The following FBXO33 variants were observed in gnomAD, a reference collection of about 807,000 sequenced individuals.
FBXO33 encodes F-box protein 33.
Under a neutral mutation model 46.3 loss-of-function variants are expected in FBXO33, and 22 were observed. The observed-to-expected ratio is 0.48, with a 90% CI of 0.34 to 0.68. The LOEUF is 0.68. Among genes scored for constraint, FBXO33 ranks in the 30% least tolerant of loss-of-function variants. FBXO33 has a pLI of 0.01. For missense variants in FBXO33, 692 were observed against 708.8 expected, an observed-to-expected ratio of 0.98 and a Z score of 0.27; for synonymous variants, 337 against 291.3, an observed-to-expected ratio of 1.16 and a Z score of -1.60.
chr14:39,405,703 A>G (rs1043758793), intron 1 of FBXO33, among the ~76,000 whole-genome samples: 5 of 151,990 alleles, frequency 3.3e-5, no homozygotes, highest in Non-Finnish European at 4.4e-5. Flanking sequence ...TTGTGAGAAA[A>G]ATGTGTAACA....
intron 1 of FBXO33, among the ~76,000 whole-genome samples, chr14:39,403,905 G>T (rs1328224481): frequency 6.6e-6 from 1 of 151,298 alleles, no homozygotes; most frequent in Non-Finnish European, 1.5e-5. Flanking sequence ...GGGCTTAAGT[G>T]ATCCTTCCAG....
chr14:39,400,686 C>T (rs1286999445), intron 3 of FBXO33, among the ~76,000 whole-genome samples: 3 of 152,146 alleles, frequency 2.0e-5, no homozygotes, highest in Non-Finnish European at 2.9e-5. Flanking sequence ...AGAATACCAA[C>T]TCTAGATCCA....
In FBXO33 at chr14:39,413,415, C is replaced by T. The variant is rs188641688; in HGVS notation, c.600-10904G>A. Reference sequence around the variant, plus strand: ...CTACAGTGACTTCCTACACTGAAGTCTTGAACTCCTCAAATGATCCATGAG... The same window carrying T: ...CTACAGTGACTTCCTACACTGAAGTTTTGAACTCCTCAAATGATCCATGAG... On this transcript the variant is annotated intron_variant, in intron 1 of 3. Transcript: ENST00000298097. Among the ~76,000 whole-genome samples, 28 of 152,304 alleles carry T rather than the reference C, an allele frequency of 1.8e-4. 1 individual carries two copies. Among genetic ancestry groups the T allele is most frequent in the Admixed American group, 1.8e-3 (27 of 15,294 alleles).
In FBXO33 at chr14:39,401,773, T is replaced by C. The variant is rs542813352; in HGVS notation, c.799A>G (p.Thr267Ala). 7.1e-5 allele frequency: 115 copies of C among 1,614,198 alleles called. 1 individual carries two copies. In the South Asian group the frequency reaches 1.0e-3, roughly 14 times the overall value. The change falls in exon 3 of 4, where the codon ACA (threonine) becomes GCA (alanine). Residue 267 changes from threonine to alanine, a missense_variant. Thr to Ala is a moderately conservative substitution (Grantham distance 58). Around this residue, in one of 3 missense-constraint regions of FBXO33, gnomAD observed 412 missense variants for 370.8 expected, o/e 1.11. Coordinates refer to ENST00000298097, the MANE Select transcript of FBXO33 (RefSeq NM_203301.4). ...GCATTAGAGAGAGATGACAGTGATG[T>C]TGGGGTTACTATTTCCAGCATAAAC... ...CGFMLEIVTPTSLSSLSNAVA... is the reference protein window; with the variant it reads ...CGFMLEIVTPASLSSLSNAVA...
chr14:39,403,726 C>T (rs1243494344), intron 1 of FBXO33, among the ~76,000 whole-genome samples: 2 of 151,722 alleles, frequency 1.3e-5, no homozygotes, highest in Non-Finnish European at 2.9e-5. Flanking sequence ...TAACATAAAA[C>T]TTAGGGATAA....
chr14:39,403,639 T>C (rs1440449757), intron 1 of FBXO33, among the ~76,000 whole-genome samples: 2 of 152,072 alleles, frequency 1.3e-5, no homozygotes, highest in Non-Finnish European at 2.9e-5. Flanking sequence ...GATAGTAAAA[T>C]TGTAAATAAA....
intron 2 of FBXO33, 128 bp from the exon 3 acceptor site, chr14:39,401,989 C>T (rs925748863): frequency 1.0e-5 from 7 of 689,440 alleles, no homozygotes; most frequent in Non-Finnish European, 1.4e-5. Flanking sequence ...TAGGTAATTT[C>T]GATTCAACCC....
intron 1 of FBXO33, among the ~76,000 whole-genome samples, chr14:39,414,865 C>A (rs1281624480): frequency 6.6e-6 from 1 of 151,968 alleles, no homozygotes; most frequent in Non-Finnish European, 1.5e-5. Context: ...GTCTATGTTC[C>A]CCAGGCTGGT....
Position 39,406,548 on chromosome 14 carries a change from T to C in FBXO33, c.600-4037A>G, listed in dbSNP as rs1034943354. The stretch of plus-strand genomic sequence containing the variant: ...GTGTATTATAAATTGCCTCCGATTA[T>C]GGTCTGGAGAGAGTTTTCAGGTTAC... On this transcript the variant is annotated intron_variant, in intron 1 of 3. Transcript: ENST00000298097. Among the ~76,000 whole-genome samples, 9 of 152,194 alleles carry C rather than the reference T, an allele frequency of 5.9e-5. No homozygotes were observed. In the East Asian group the frequency reaches 1.7e-3, roughly 29 times the overall value.
Position 39,432,074 on chromosome 14 carries a change from A to AGCCGCC in FBXO33, c.83_88dup (p.Arg28_Arg29dup), listed in dbSNP as rs1555426902. 7 of 1,243,062 alleles carry AGCCGCC rather than the reference A, an allele frequency of 5.6e-6. No individual in the cohort carries two copies. Among genetic ancestry groups the AGCCGCC allele is most frequent in the Middle Eastern group, 2.2e-4 (1 of 4,568 alleles). The allele number at this position is 1,243,062 out of a possible 1,614,324, so 77.0% of individuals were successfully genotyped here. A position where few individuals can be genotyped will look rare whatever the true frequency, so the allele number is the denominator to read the frequency against. On this transcript the variant is annotated inframe_insertion, in exon 1 of 4. Coordinates refer to ENST00000298097, the MANE Select transcript of FBXO33 (RefSeq NM_203301.4). ...CAGCCGTCGCAGCTGCTGCAGCCGC[A>AGCCGCC]GCCGCCGCCACCGCGCCACCCGGGC... is the stretch of plus-strand genomic sequence containing the variant.
chr14:39,426,834 A>G (rs1406232321), intron 1 of FBXO33, among the ~76,000 whole-genome samples: 1 of 152,190 alleles, frequency 6.6e-6, no homozygotes, highest in East Asian at 1.9e-4. Flanking sequence ...GTTGCCACCT[A>G]GTGACTATTA....
chr14:39,403,157 T>C (rs1032898674), intron 1 of FBXO33, among the ~76,000 whole-genome samples: 1 of 152,178 alleles, frequency 6.6e-6, no homozygotes, highest in African/African-American at 2.4e-5. Flanking sequence ...AACCAGTTAA[T>C]TTAGTCAACA....
At chr14:39,408,757 C>T (rs1353751589) in intron 1 of FBXO33, among the ~76,000 whole-genome samples, 1 of 151,690 alleles carries the variant, frequency 6.6e-6, no homozygotes, top group East Asian at 1.9e-4. Context: ...GATCTACCTG[C>T]CTCAGCCTCC....
chr14:39,399,652 T>C lies in FBXO33; in HGVS notation c.1532A>G (p.His511Arg), dbSNP rs754327437. ...CAGGGATACCTGCTCAATAAGGTTATGCACTGGATCTACATCCTGGTCGGC... is the reference window on the plus strand; with the variant it reads ...CAGGGATACCTGCTCAATAAGGTTACGCACTGGATCTACATCCTGGTCGGC... ...ELADQDVDPVHNLIEQVSLGL... is the reference protein window; with the variant it reads ...ELADQDVDPVRNLIEQVSLGL... The change falls in exon 4 of 4, where the codon CAT (histidine) becomes CGT (arginine). Residue 511 changes from histidine to arginine, a missense_variant. Around this residue, in one of 3 missense-constraint regions of FBXO33, gnomAD observed 94 missense variants for 91.9 expected, o/e 1.02. Transcript: ENST00000298097. 1.4e-5 allele frequency: 23 copies of C among 1,613,950 alleles called. No homozygotes were observed. The highest frequency in any genetic ancestry group is 1.9e-5 in the Non-Finnish European group (22 of 1,180,008).
intron 1 of FBXO33, among the ~76,000 whole-genome samples, chr14:39,404,957 G>C (rs538964852): frequency 6.6e-6 from 1 of 151,992 alleles, no homozygotes; most frequent in African/African-American, 2.4e-5. Context: ...GACCAGTCCG[G>C]CCAACATAGT....
At chr14:39,405,623 AT>A (rs1359190507) in intron 1 of FBXO33, among the ~76,000 whole-genome samples, 2 of 152,118 alleles carry the variant, frequency 1.3e-5, no homozygotes, top group Non-Finnish European at 2.9e-5. Flanking sequence ...GAAGTGATAC[AT>A]TTTTGACTAT....
Position 39,431,584 on chromosome 14 carries a change from C to A in FBXO33, c.579G>T (p.Leu193=), listed in dbSNP as rs1175770823. The A allele has an allele frequency of 6.2e-7, 1 of 1,612,914 alleles. No individual in the cohort carries two copies. Among genetic ancestry groups the A allele is most frequent in the Non-Finnish European group, 8.5e-7 (1 of 1,180,018 alleles). ...RTYLELVLCV[L]VSIRNNRNLQ... is the part of the protein sequence containing the mutation. ...CCTACCTGTTGTTCCGGATGCTGAC[C>A]AGCACGCAAAGCACCAGCTCCAAGT... Residue 193 remains leucine (L), a synonymous_variant, in exon 1 of 4, where the codon CTG becomes CTT. Coordinates refer to ENST00000298097, the MANE Select transcript of FBXO33 (RefSeq NM_203301.4).
rs1182585994 is a variant in FBXO33, at chr14:39,398,454, GTTTTT to G, written c.*1057_*1061del. 8.0e-6 allele frequency: 1 copy of G among 125,312 alleles called. No individual in the cohort carries two copies. The highest frequency in any genetic ancestry group is 3.0e-5 in the African/African-American group (1 of 33,280). 7.8% of individuals were successfully genotyped at this position (125,312 alleles called of 1,614,324 possible). On this transcript the variant is annotated 3_prime_UTR_variant, in exon 4 of 4. Coordinates refer to ENST00000298097, the MANE Select transcript of FBXO33 (RefSeq NM_203301.4). ...ACTATTCACAGTGAAACAGGTGCAT[GTTTTT>G]TTTTTCTTTTTTTTTTTTTTTTGTT...
chr14:39,430,523 C>T (rs2075538211), intron 1 of FBXO33, among the ~76,000 whole-genome samples: 2 of 152,172 alleles, frequency 1.3e-5, no homozygotes, highest in African/African-American at 4.8e-5. Context: ...GTGCAAATCA[C>T]TTGATCCTAT....
Sources: allele counts gnomAD v4.1 joint callset (sites outside exome capture counted in the v4.1 genomes callset), GRCh38; gene constraint gnomAD v4.1.1; regional missense constraint gnomAD v4.1.1; transcripts MANE v1.5; gene names NCBI Gene and HGNC (gene_info 2026-07-23, HGNC 2026-07-21).